The following SHANK2 variants were observed in gnomAD, a reference collection of about 807,000 sequenced individuals.
SHANK2 encodes the protein SH3 and multiple ankyrin repeat domains 2, also known as SH3 and multiple ankyrin repeat domains protein 2.
Under a neutral mutation model 133.7 loss-of-function variants are expected in SHANK2, and 43 were observed. The ratio of observed to expected loss-of-function variants is 0.32; its 90% CI spans 0.25 to 0.41. The LOEUF (loss-of-function observed/expected upper bound fraction) is 0.41. Among genes scored for constraint, SHANK2 ranks in the 10% least tolerant of loss-of-function variants. The probability of loss-of-function intolerance (pLI) is 1.00; values close to 1 mark genes in which losing one functional copy is unlikely to be tolerated. For synonymous variants in SHANK2, 1,017 were observed against 952.8 expected, an observed-to-expected ratio of 1.07 and a Z score of -1.24; for missense variants, 1,994 against 2,235.8, an observed-to-expected ratio of 0.89 and a Z score of 2.18.
rs1953404493 is a variant in SHANK2, at chr11:71,175,197, T to C, written c.-12-27859A>G. On this transcript the variant is annotated intron_variant, in intron 2 of 25. Transcript: ENST00000601538. This position sits in a 1 kb window ranked among gnomAD's most constrained non-coding sequence, Gnocchi z 4.2. ...CAAAACCCATCGTCTTCGCCAGTGC[T>C]TCCTCGGCACCTAGTCCAACTCAGC... is the stretch of plus-strand genomic sequence containing the variant. Among the ~76,000 whole-genome samples, 1 of 152,164 alleles carries C rather than the reference T, an allele frequency of 6.6e-6. No homozygotes were observed.
chr11:70,924,401 A>G (rs890528329), intron 10 of SHANK2, among the ~76,000 whole-genome samples: 2 of 152,176 alleles, frequency 1.3e-5, no homozygotes, highest in Admixed American at 6.5e-5. Context: ...GGCTCTGTCC[A>G]ACAGCCAGCG....
At chr11:71,192,781 C>T (rs1953817498) in intron 2 of SHANK2, among the ~76,000 whole-genome samples, 1 of 152,182 alleles carries the variant, frequency 6.6e-6, no homozygotes, top group Non-Finnish European at 1.5e-5. Flanking sequence ...TCCTAGAGAG[C>T]TTATCAAGCT....
chr11:70,711,198 G>T (rs1286015766), intron 14 of SHANK2, among the ~76,000 whole-genome samples: 2 of 152,166 alleles, frequency 1.3e-5, no homozygotes, highest in African/African-American at 2.4e-5. Context: ...TGTGATTGCT[G>T]AGCTCCTGCA....
At chr11:71,102,369 G>C (rs939808871) in intron 6 of SHANK2, among the ~76,000 whole-genome samples, 7 of 152,144 alleles carry the variant, frequency 4.6e-5, no homozygotes, top group Non-Finnish European at 8.8e-5. Flanking sequence ...TTCATTGACA[G>C]GTCGTTCCAC....
At chr11:70,772,155 A>G (rs538782859) in intron 14 of SHANK2, among the ~76,000 whole-genome samples, 1 of 152,108 alleles carries the variant, frequency 6.6e-6, no homozygotes, top group South Asian at 2.1e-4. Flanking sequence ...TAGTTTGAGA[A>G]GTGTATTGGT....
intron 11 of SHANK2, among the ~76,000 whole-genome samples, chr11:70,844,362 C>G (rs1948962394): frequency 6.6e-6 from 1 of 151,848 alleles, no homozygotes; most frequent in African/African-American, 2.4e-5. Context: ...GGGCCGGGGG[C>G]GGGGCATGAA....
At chr11:70,624,293 G>A (rs77773742) in intron 17 of SHANK2, among the ~76,000 whole-genome samples, 1,537 of 152,140 alleles carry the variant, frequency 0.01, 22 homozygotes, top group African/African-American at 0.035. Context: ...CTCCCCCATG[G>A]AGGAGGTGGG....
intron 11 of SHANK2, among the ~76,000 whole-genome samples, chr11:70,873,990 T>C (rs1216622185): frequency 6.6e-6 from 1 of 152,146 alleles, no homozygotes; most frequent in African/African-American, 2.4e-5. Flanking sequence ...CAATGCAAAG[T>C]ACATTTTTGA....
chr11:70,700,189 C>T (rs1945487424), intron 14 of SHANK2, among the ~76,000 whole-genome samples: 3 of 152,314 alleles, frequency 2.0e-5, no homozygotes, highest in South Asian at 2.1e-4. Context: ...GAGGCTCCTA[C>T]AAAACACAAC....
chr11:70,580,340 AC>A (rs1488108068), intron 17 of SHANK2, among the ~76,000 whole-genome samples: 1 of 152,150 alleles, frequency 6.6e-6, no homozygotes, highest in Non-Finnish European at 1.5e-5. Context: ...TCAGCCCTGT[AC>A]CCCAAATGGC....
intron 2 of SHANK2, among the ~76,000 whole-genome samples, chr11:71,154,399 G>A (rs1388295388): frequency 4.6e-5 from 7 of 152,206 alleles, no homozygotes; most frequent in African/African-American, 7.2e-5. Context: ...GGAAGGGTGG[G>A]CTGCCAGCCA....
At position 71,175,778 on chromosome 11, in the gene SHANK2, C is replaced by T. The variant is rs926863881; in HGVS notation, c.-12-28440G>A. On this transcript the variant is annotated intron_variant, in intron 2 of 25. Transcript: ENST00000601538. The surrounding 1 kb of genome is among the most constrained non-coding windows in gnomAD (Gnocchi z 4.2). ...GGAGAGAGGAAATAATGAGGTGAGC[C>T]CTATGATGACTCCCAGCTTTCTGCC... Among the ~76,000 whole-genome samples the T allele has an allele frequency of 9.2e-5, 14 of 152,018 alleles. No homozygotes were observed. The highest frequency in any genetic ancestry group is 1.9e-4 in the African/African-American group (8 of 41,364).
chr11:70,486,004 GA>G lies in SHANK2; in HGVS notation c.4288del (p.Ser1430LeufsTer8). The G allele has an allele frequency of 6.2e-7, 1 of 1,614,118 alleles. No individual in the cohort carries two copies. Among genetic ancestry groups the G allele is most frequent in the Non-Finnish European group, 8.5e-7 (1 of 1,180,034 alleles). ...SFDIPDDRAA[S>X]VPALSDLVKQ... ...CACTAAGTCTGAGAGAGCCGGGACA[GA>G]AGCTGCCCGGTCATCGGGGATATCA... On this transcript the variant is annotated frameshift_variant, in exon 25 of 26. Coordinates refer to ENST00000601538, the MANE Select transcript of SHANK2 (RefSeq NM_012309.5). LOFTEE classifies it high-confidence loss of function. The surrounding 1 kb of genome is among the most constrained non-coding windows in gnomAD (Gnocchi z 8.0).
At chr11:70,899,255 G>A (rs758455962) in intron 10 of SHANK2, among the ~76,000 whole-genome samples, 5 of 152,098 alleles carry the variant, frequency 3.3e-5, no homozygotes, top group African/African-American at 9.7e-5. Context: ...TGCTGTTCTC[G>A]TGATAGTGAG....
chr11:70,953,473 C>T (rs566417907), intron 10 of SHANK2, among the ~76,000 whole-genome samples: 8 of 152,166 alleles, frequency 5.3e-5, no homozygotes, highest in South Asian at 2.1e-4. Flanking sequence ...AGTCTGTGGT[C>T]GAAGGACCAA....
rs544165151 is a variant in SHANK2, at chr11:70,825,557, T to C, written c.1175-4875A>G. ...TGAAATCTCACCGGTGACATCAGTG[T>C]GAACATTTTAATGAAAATTACCTCG... is the stretch of plus-strand genomic sequence containing the variant. On this transcript the variant is annotated intron_variant, in intron 11 of 25. Transcript: ENST00000601538. Among the ~76,000 whole-genome samples the C allele has an allele frequency of 3.9e-5, 6 of 152,338 alleles. No individual in the cohort carries two copies. In the South Asian group the frequency reaches 1.2e-3, roughly 32 times the overall value.
intron 2 of SHANK2, among the ~76,000 whole-genome samples, chr11:71,187,053 C>A (rs1555114576): frequency 6.6e-6 from 1 of 152,186 alleles, no homozygotes. Context: ...TCTAAGGGGA[C>A]CCTGAAGGCT....
At chr11:70,873,775 T>C (rs1325949869) in intron 11 of SHANK2, among the ~76,000 whole-genome samples, 2 of 152,014 alleles carry the variant, frequency 1.3e-5, no homozygotes, top group Non-Finnish European at 2.9e-5. Flanking sequence ...TGAACAACTT[T>C]GCTATTGTTT....
intron 15 of SHANK2, among the ~76,000 whole-genome samples, chr11:70,690,488 GTTTTTTTTTTTTTTTTTTT>G (rs35737323): frequency 1.2e-4 from 4 of 32,818 alleles, no homozygotes; most frequent in East Asian, 1.3e-3. Context: ...TACTTCCCAT[GTTTTTTTTTTTTTTTTTTT>G]TTTTTTTTTT....
Sources: allele counts gnomAD v4.1 joint callset (sites outside exome capture counted in the v4.1 genomes callset), GRCh38; gene constraint gnomAD v4.1.1; non-coding constraint Gnocchi (gnomAD v3.1); transcripts MANE v1.5; gene names NCBI Gene and HGNC (gene_info 2026-07-23, HGNC 2026-07-21).